The following ZFHX3 variants were observed in gnomAD, a reference collection of about 807,000 sequenced individuals.
ZFHX3 encodes zinc finger homeobox protein 3.
Under a neutral mutation model 279.1 loss-of-function variants are expected in ZFHX3, and 42 were observed. The ratio of observed to expected loss-of-function variants is 0.15; its 90% CI spans 0.12 to 0.19. The LOEUF is 0.19. Among genes scored for constraint, ZFHX3 ranks in the 10% least tolerant of loss-of-function variants. The pLI, the probability that ZFHX3 is intolerant of heterozygous loss-of-function variation, is 1.00. For missense variants in ZFHX3, 4,981 were observed against 4,754.0 expected (o/e 1.05, Z -1.40); for synonymous variants, 2,293 against 1,957.8 (o/e 1.17, Z -4.52).
At chr16:73,473,870 C>T (rs2018718081) in intron 2 of ZFHX3, among the ~76,000 whole-genome samples, 1 of 152,078 alleles carries the variant, frequency 6.6e-6, no homozygotes, top group South Asian at 2.1e-4. Context: ...TTCTGAAGAT[C>T]GCAAGATATT....
At chr16:73,890,707 C>T (rs140009120) in intron 1 of ZFHX3, among the ~76,000 whole-genome samples, 20 of 152,054 alleles carry the variant, frequency 1.3e-4, no homozygotes, top group African/African-American at 4.8e-4. Flanking sequence ...TACGTTACAT[C>T]GTCCTATTTA....
chr16:73,007,733 G>A (rs1597084150), intron 1 of ZFHX3, among the ~76,000 whole-genome samples: 4 of 152,102 alleles, frequency 2.6e-5, no homozygotes, highest in Admixed American at 2.0e-4. Context: ...ACAGGCGTGA[G>A]CCACCGCGCA....
intron 1 of ZFHX3, chr16:73,014,293 GT>G (rs1201128184): frequency 1.4e-5 from 2 of 140,786 alleles, no homozygotes; most frequent in East Asian, 4.1e-4. Flanking sequence ...TCAGTTTGCG[GT>G]TTTTTGCATT....
At chr16:73,314,445 A>C (rs1369883124) in intron 4 of ZFHX3, among the ~76,000 whole-genome samples, 2 of 152,234 alleles carry the variant, frequency 1.3e-5, no homozygotes, top group East Asian at 1.9e-4. Flanking sequence ...CATTTTAATG[A>C]GAGACCCAGA....
chr16:73,710,225 G>C (rs971682937), intron 1 of ZFHX3, among the ~76,000 whole-genome samples: 1 of 152,084 alleles, frequency 6.6e-6, no homozygotes, highest in African/African-American at 2.4e-5. Flanking sequence ...TTAAATAAAT[G>C]AATGGATGCA....
intron 2 of ZFHX3, among the ~76,000 whole-genome samples, chr16:73,670,424 G>A (rs915908669): frequency 6.6e-5 from 10 of 152,206 alleles, no homozygotes; most frequent in Non-Finnish European, 1.5e-4. Flanking sequence ...TGGATTATTT[G>A]CAGTAAAACA....
chr16:73,743,975 A>C (rs189450910), intron 1 of ZFHX3, among the ~76,000 whole-genome samples: 9 of 152,284 alleles, frequency 5.9e-5, no homozygotes, highest in Admixed American at 4.6e-4. Context: ...TCCTCTCTAC[A>C]TAACAGTCTT....
chr16:73,404,367 C>G (rs1362129635), intron 3 of ZFHX3, among the ~76,000 whole-genome samples: 4 of 152,212 alleles, frequency 2.6e-5, no homozygotes, highest in Admixed American at 2.6e-4. Flanking sequence ...AAGTGACCAT[C>G]TTTGAGTGCT....
At chr16:73,365,395 A>G (rs1020710737) in intron 3 of ZFHX3, among the ~76,000 whole-genome samples, 3 of 152,200 alleles carry the variant, frequency 2.0e-5, no homozygotes, top group African/African-American at 7.2e-5. Context: ...GAGCCCTTAC[A>G]TGAGTCTAGA....
intron 3 of ZFHX3, among the ~76,000 whole-genome samples, chr16:72,907,485 A>C (rs1207381732): frequency 6.8e-6 from 1 of 147,544 alleles, no homozygotes; most frequent in Non-Finnish European, 1.5e-5. Context: ...ACTCCCCTGT[A>C]CCACCCCTGT....
At chr16:73,785,038 T>A (rs552921730) in intron 1 of ZFHX3, among the ~76,000 whole-genome samples, 1 of 152,214 alleles carries the variant, frequency 6.6e-6, no homozygotes, top group East Asian at 1.9e-4. Flanking sequence ...CTTAAAATAT[T>A]GTTTGATTTC....
At chr16:73,149,326 T>G (rs924929610) in intron 5 of ZFHX3, among the ~76,000 whole-genome samples, 1 of 150,360 alleles carries the variant, frequency 6.7e-6, no homozygotes, top group Non-Finnish European at 1.5e-5. Context: ...ATTAATGTCA[T>G]TAATATAATA....
At chr16:72,951,309 A>G (rs985551021) in intron 2 of ZFHX3, among the ~76,000 whole-genome samples, 2 of 151,534 alleles carry the variant, frequency 1.3e-5, no homozygotes, top group African/African-American at 4.9e-5. Context: ...TGCCCAGGCT[A>G]GAGTGCAGTG....
chr16:72,935,359 G>A (rs1286156014), intron 3 of ZFHX3, among the ~76,000 whole-genome samples: 1 of 152,154 alleles, frequency 6.6e-6, no homozygotes, highest in Non-Finnish European at 1.5e-5. Context: ...CAAGGATAAG[G>A]GAACGAAAGC....
At chr16:73,637,795 T>C (rs1478563726) in intron 2 of ZFHX3, among the ~76,000 whole-genome samples, 2 of 151,802 alleles carry the variant, frequency 1.3e-5, no homozygotes, top group Admixed American at 1.3e-4. Flanking sequence ...AAGACAAAAA[T>C]CTGCAATATA....
intron 5 of ZFHX3, among the ~76,000 whole-genome samples, chr16:73,161,118 G>A (rs750630116): frequency 5.9e-5 from 9 of 151,992 alleles, no homozygotes; most frequent in Non-Finnish European, 1.2e-4. Flanking sequence ...GACTACAGGC[G>A]CCCGGCACCA....
intron 5 of ZFHX3, among the ~76,000 whole-genome samples, chr16:73,238,091 T>C (rs2013009972): frequency 6.6e-6 from 1 of 152,218 alleles, no homozygotes; most frequent in African/African-American, 2.4e-5. Context: ...TCCTCTGTCA[T>C]ACCTGGCATC....
At chr16:73,171,120 A>G (rs1338398954) in intron 5 of ZFHX3, among the ~76,000 whole-genome samples, 1 of 152,062 alleles carries the variant, frequency 6.6e-6, no homozygotes, top group Non-Finnish European at 1.5e-5. Context: ...CAAATAGAGG[A>G]TGCTGTATTT....
chr16:73,643,482 T>C (rs980661607), intron 2 of ZFHX3, among the ~76,000 whole-genome samples: 2 of 152,224 alleles, frequency 1.3e-5, no homozygotes, highest in Non-Finnish European at 2.9e-5. Context: ...GTGGCTACGA[T>C]ATTAGGCACA....
Sources: allele counts gnomAD v4.1 joint callset (sites outside exome capture counted in the v4.1 genomes callset), GRCh38; gene constraint gnomAD v4.1.1; transcripts MANE v1.5; gene names NCBI Gene and HGNC (gene_info 2026-07-23, HGNC 2026-07-21).